The following PCDHGA9 variants were observed in gnomAD, a reference collection of about 807,000 sequenced individuals.
PCDHGA9 encodes the protein protocadherin gamma-A9.
PCDHGA9 carries 37 observed loss-of-function variants against 62.5 expected under a neutral mutation model. The ratio of observed to expected loss-of-function variants is 0.59; its 90% CI spans 0.46 to 0.78. PCDHGA9 has a LOEUF of 0.78. Among genes scored for constraint, PCDHGA9 ranks in the 30% least tolerant of loss-of-function variants. The probability of loss-of-function intolerance (pLI) is 0.00; values close to 1 mark genes in which losing one functional copy is unlikely to be tolerated. For synonymous variants in PCDHGA9, 459 were observed against 484.6 expected, an observed-to-expected ratio of 0.95 and a Z score of 0.69; for missense variants, 1,138 against 1,166.2, an observed-to-expected ratio of 0.98 and a Z score of 0.35.
chr5:141,433,304 C>T, intron 1 of PCDHGA9: 1 of 932,004 alleles, frequency 1.1e-6, no homozygotes, highest in Non-Finnish European at 1.6e-6. Context: ...AGCAATTATC[C>T]CACCTTTGCC....
chr5:141,419,738 C>T (rs745596534), intron 1 of PCDHGA9: 2 of 1,613,796 alleles, frequency 1.2e-6, no homozygotes, highest in Non-Finnish European at 1.7e-6. Flanking sequence ...AGGCGAGGTG[C>T]GCATGGTGCG....
chr5:141,409,997 G>T, intron 1 of PCDHGA9: 3 of 1,613,224 alleles, frequency 1.9e-6, no homozygotes, highest in Non-Finnish European at 2.5e-6. Flanking sequence ...CGCCGACTCG[G>T]GACACAACGC....
intron 1 of PCDHGA9, among the ~76,000 whole-genome samples, chr5:141,444,012 G>T (rs1355186604): frequency 1.3e-5 from 2 of 152,058 alleles, no homozygotes; most frequent in African/African-American, 4.8e-5. Flanking sequence ...CTGGGTATTG[G>T]CTTCTAAAAG....
At chr5:141,466,898 A>G (rs1029507733) in intron 1 of PCDHGA9, among the ~76,000 whole-genome samples, 1 of 152,170 alleles carries the variant, frequency 6.6e-6, no homozygotes, top group African/African-American at 2.4e-5. Context: ...TTTTCCATGA[A>G]GTTTTTGAAA....
At chr5:141,414,100 G>A (rs1293589634) in intron 1 of PCDHGA9, 2 of 1,593,288 alleles carry the variant, frequency 1.3e-6, no homozygotes. Context: ...AAAAATATCA[G>A]AAAATCTAGA....
intron 1 of PCDHGA9, chr5:141,428,181 AG>A (rs776102500): frequency 6.7e-7 from 1 of 1,486,230 alleles, no homozygotes; most frequent in Admixed American, 1.8e-5. Context: ...GACGGAGGAC[AG>A]CCGCCGCTCT....
At chr5:141,472,109 A>G (rs1353132107) in intron 1 of PCDHGA9, among the ~76,000 whole-genome samples, 2 of 152,234 alleles carry the variant, frequency 1.3e-5, no homozygotes, top group Non-Finnish European at 2.9e-5. Flanking sequence ...TTTTATACAT[A>G]AAGAAAATAA....
At chr5:141,465,889 G>A (rs956310325) in intron 1 of PCDHGA9, among the ~76,000 whole-genome samples, 4 of 152,056 alleles carry the variant, frequency 2.6e-5, no homozygotes, top group Admixed American at 6.5e-5. Context: ...TTGGGAGGCC[G>A]AGGCGGGCAA....
Position 141,432,326 on chromosome 5 carries a change from G to C in PCDHGA9, c.2424+26950G>C. The C allele has an allele frequency of 1.2e-6, 2 of 1,614,228 alleles. No individual in the cohort carries two copies. The highest frequency in any genetic ancestry group is 2.2e-5 in the East Asian group (1 of 44,890). On this transcript the variant is annotated intron_variant, in intron 1 of 3. Transcript: ENST00000573521. This position sits in a 1 kb window ranked among gnomAD's most constrained non-coding sequence, Gnocchi z 6.0. ...GTATGCGCTGAGCTCCTTCGACTAC[G>C]AGCAGTTCCGAGACTTGCAAGTGAA...
chr5:141,490,482 G>A lies in PCDHGA9; in HGVS notation c.2425-4325G>A. On this transcript the variant is annotated intron_variant, in intron 1 of 3. Coordinates refer to ENST00000573521, the MANE Select transcript of PCDHGA9 (RefSeq NM_018921.3). The surrounding 1 kb of genome is among the most constrained non-coding windows in gnomAD (Gnocchi z 5.4). ...TGCTAACCAGCCAGCCTTTGGACCG[G>A]GAGGCCACATCCCACTATATCATCG... 2.5e-6 allele frequency: 4 copies of A among 1,614,154 alleles called. No homozygotes were observed. In the South Asian group the frequency reaches 4.4e-5, roughly 18 times the overall value.
At chr5:141,416,928 A>G (rs1297487387) in intron 1 of PCDHGA9, 4 of 152,170 alleles carry the variant, frequency 2.6e-5, no homozygotes, top group Non-Finnish European at 2.9e-5. Flanking sequence ...ATAGTTATTA[A>G]CTATTAAACC....
chr5:141,423,760 G>T, intron 1 of PCDHGA9: 23 of 279,644 alleles, frequency 8.2e-5, no homozygotes, highest in South Asian at 2.0e-4. Flanking sequence ...TGGGGGGGGG[G>T]TGGGGCGGCA....
rs2099413641 is a variant in PCDHGA9, at chr5:141,477,586, T to C, written c.2425-17221T>C. The C allele has an allele frequency of 1.9e-6, 3 of 1,614,022 alleles. No individual in the cohort carries two copies. The highest frequency in any genetic ancestry group is 2.5e-6 in the Non-Finnish European group (3 of 1,180,036). On this transcript the variant is annotated intron_variant, in intron 1 of 3. Transcript: ENST00000573521. This position sits in a 1 kb window ranked among gnomAD's most constrained non-coding sequence, Gnocchi z 4.9. ...GGGACCCCGACGCCCCGCAGAATGC[T>C]CGGCTTTCTTTCTTTCTCTTGGAGC... is the stretch of plus-strand genomic sequence containing the variant.
intron 1 of PCDHGA9, chr5:141,419,373 TGTCC>T (rs761256298): frequency 6.2e-7 from 1 of 1,613,754 alleles, no homozygotes; most frequent in South Asian, 1.1e-5. Context: ...TCGTCCTACG[TGTCC>T]GTGAGCGCGC....
chr5:141,420,187 CA>C (rs779974762), intron 1 of PCDHGA9: 25 of 1,613,706 alleles, frequency 1.5e-5, no homozygotes, highest in Non-Finnish European at 2.1e-5. Flanking sequence ...ATTGTCCAGC[CA>C]CACAAGATAA....
Position 141,404,457 on chromosome 5 carries a change from C to T in PCDHGA9, c.1505C>T (p.Ser502Phe). 6.2e-7 allele frequency: 1 copy of T among 1,612,824 alleles called. No homozygotes were observed. The highest frequency in any genetic ancestry group is 8.5e-7 in the Non-Finnish European group (1 of 1,178,898). Reference sequence around the variant, plus strand: ...GATACCATCCAAGGGTCTCCTCTCTCCACCTATGTCTCTATTAACTCAGAC... The same window carrying T: ...GATACCATCCAAGGGTCTCCTCTCTTCACCTATGTCTCTATTAACTCAGAC... ...AEDTIQGSPLSTYVSINSDTG... is the reference protein window; with the variant it reads ...AEDTIQGSPLFTYVSINSDTG... Residue 502 changes from serine to phenylalanine, a missense_variant, in exon 1 of 4, where the codon TCC becomes TTC. By Grantham distance (155) the Ser-to-Phe change is radical. Coordinates refer to ENST00000573521, the MANE Select transcript of PCDHGA9 (RefSeq NM_018921.3).
chr5:141,419,285 G>A, intron 1 of PCDHGA9: 2 of 1,614,028 alleles, frequency 1.2e-6, no homozygotes, highest in East Asian at 4.5e-5. Context: ...GCAAGTCAGT[G>A]CCTCTGACCC....
intron 1 of PCDHGA9, chr5:141,409,346 G>A (rs573212606): frequency 4.3e-6 from 7 of 1,613,998 alleles, no homozygotes; most frequent in South Asian, 2.2e-5. Context: ...AAATGGAGAA[G>A]TCAGGTGTAA....
intron 1 of PCDHGA9, among the ~76,000 whole-genome samples, chr5:141,449,199 A>T (rs927587807): frequency 3.3e-5 from 5 of 152,190 alleles, no homozygotes; most frequent in Admixed American, 2.6e-4. Flanking sequence ...AGAAGTGTTA[A>T]TTCTAACTTT....
Sources: allele counts gnomAD v4.1 joint callset (sites outside exome capture counted in the v4.1 genomes callset), GRCh38; gene constraint gnomAD v4.1.1; non-coding constraint Gnocchi (gnomAD v3.1); transcripts MANE v1.5; gene names NCBI Gene and HGNC (gene_info 2026-07-23, HGNC 2026-07-21).